Variants in WDPCP observed in about 807,000 individuals in gnomAD.
WDPCP encodes the protein WD repeat-containing and planar cell polarity effector protein fritz homolog.
In WDPCP, 71 loss-of-function variants were observed where a neutral mutation model predicts 93.1. The ratio of observed to expected loss-of-function variants is 0.76; its 90% CI spans 0.63 to 0.93. WDPCP has a LOEUF of 0.93. Ranked by LOEUF, WDPCP falls within the 40% of genes least tolerant of loss-of-function variation. The pLI is 0.00. For missense variants in WDPCP, 844 were observed against 887.4 expected (o/e 0.95, Z 0.62); for synonymous variants, 315 against 315.0 (o/e 1.00, Z 0.00).
intron 14 of WDPCP, among the ~76,000 whole-genome samples, chr2:63,176,369 C>T (rs2104025064): frequency 6.6e-6 from 1 of 152,188 alleles, no homozygotes; most frequent in South Asian, 2.1e-4. Flanking sequence ...CCTCAGCCCT[C>T]TTGAGTAGCT....
chr2:63,558,559 G>T (rs1030783131), intron 1 of WDPCP, among the ~76,000 whole-genome samples: 1 of 150,996 alleles, frequency 6.6e-6, no homozygotes, highest in African/African-American at 2.4e-5. Context: ...AAAGAAAAAA[G>T]AAAAGAGAGA....
rs771647710 is a variant in WDPCP at position 63,404,673 on chromosome 2, T to C, written c.826-16A>G. 3.9e-5 allele frequency: 63 copies of C among 1,613,522 alleles called. No individual in the cohort carries two copies. Among genetic ancestry groups the C allele is most frequent in the Non-Finnish European group, 5.3e-5 (63 of 1,179,922 alleles). ...AACTCAGAACCTGTTAAGAAATATA[T>C]CAAGTACATTCAGATAAACTTTGGT... is the stretch of plus-strand genomic sequence containing the variant. On this transcript the variant is annotated splice_polypyrimidine_tract_variant and intron_variant, in intron 9 of 17. Transcript: ENST00000272321.
intron 1 of WDPCP, among the ~76,000 whole-genome samples, chr2:63,817,877 G>A (rs945044766): frequency 3.9e-5 from 6 of 152,192 alleles, no homozygotes; most frequent in African/African-American, 1.4e-4. Flanking sequence ...TGTCTGTTAA[G>A]ACACTTGAAA....
chr2:63,627,617 T>C (rs909058122), intron 3 of WDPCP, among the ~76,000 whole-genome samples: 2 of 152,098 alleles, frequency 1.3e-5, no homozygotes, highest in African/African-American at 4.8e-5. Context: ...GAAGGAGTAG[T>C]TGAACATTGG....
At chr2:63,283,602 C>A (rs1037268910) in intron 13 of WDPCP, among the ~76,000 whole-genome samples, 35 of 152,172 alleles carry the variant, frequency 2.3e-4, no homozygotes, top group African/African-American at 8.2e-4. Context: ...GAAGTATTTA[C>A]TATCTGGCCT....
intron 2 of WDPCP, among the ~76,000 whole-genome samples, chr2:63,683,705 TG>T (rs1668764841): frequency 6.6e-6 from 1 of 151,984 alleles, no homozygotes; most frequent in Admixed American, 6.6e-5. Flanking sequence ...AAAAATTAGC[TG>T]GGCACGGTGG....
chr2:63,839,278 C>T, the WDPCP span, among the ~76,000 whole-genome samples: 7 of 152,176 alleles, frequency 4.6e-5, no homozygotes, highest in Non-Finnish European at 8.8e-5. Flanking sequence ...ATTAAAAACT[C>T]GCCAGGCGCG....
chr2:63,733,383 T>A (rs1314192235), intron 2 of WDPCP, among the ~76,000 whole-genome samples: 1 of 150,156 alleles, frequency 6.7e-6, no homozygotes, highest in Admixed American at 6.6e-5. Flanking sequence ...GTATTTTTTT[T>A]AGTAGAGACG....
chr2:63,415,904 A>G (rs1031170073), intron 9 of WDPCP, among the ~76,000 whole-genome samples: 1 of 152,222 alleles, frequency 6.6e-6, no homozygotes, highest in Non-Finnish European at 1.5e-5. Context: ...CTAATAATAT[A>G]GGTAACTTTG....
At chr2:63,623,941 A>C (rs1709778455) in intron 3 of WDPCP, among the ~76,000 whole-genome samples, 1 of 152,068 alleles carries the variant, frequency 6.6e-6, no homozygotes, top group Non-Finnish European at 1.5e-5. Flanking sequence ...GAAGTGAAAC[A>C]CTCCTCAGCA....
chr2:63,125,303 A>G (rs146184132), intron 17 of WDPCP, among the ~76,000 whole-genome samples: 2 of 152,332 alleles, frequency 1.3e-5, no homozygotes, highest in African/African-American at 4.8e-5. Context: ...ATCAGAAAGG[A>G]GTGTACTTAG....
chr2:63,399,325 G>A (rs1575330421), intron 10 of WDPCP, among the ~76,000 whole-genome samples: 1 of 152,110 alleles, frequency 6.6e-6, no homozygotes, highest in South Asian at 2.1e-4. Flanking sequence ...TTTAGGAACA[G>A]TGCCCAGGGA....
intron 2 of WDPCP, among the ~76,000 whole-genome samples, chr2:63,746,357 A>G (rs1669797601): frequency 6.6e-6 from 1 of 152,116 alleles, no homozygotes; most frequent in Non-Finnish European, 1.5e-5. Flanking sequence ...CATTAACTAA[A>G]CAAATTGTTT....
chr2:63,578,837 G>T (rs1708290197), intron 1 of WDPCP, among the ~76,000 whole-genome samples: 1 of 152,140 alleles, frequency 6.6e-6, no homozygotes. Flanking sequence ...ATGGCCTATC[G>T]ATTCTATTCT....
intron 17 of WDPCP, among the ~76,000 whole-genome samples, chr2:63,126,090 A>G (rs1056986506): frequency 6.6e-6 from 1 of 150,460 alleles, no homozygotes; most frequent in African/African-American, 2.5e-5. Context: ...ATGCACCACC[A>G]CACCAGGCTA....
intron 2 of WDPCP, among the ~76,000 whole-genome samples, chr2:63,778,777 T>A (rs1670343919): frequency 6.6e-6 from 1 of 152,222 alleles, no homozygotes; most frequent in Non-Finnish European, 1.5e-5. Context: ...TAACCTTTAG[T>A]CTCACTGTTG....
At chr2:63,398,025 T>C (rs995274042) in intron 10 of WDPCP, among the ~76,000 whole-genome samples, 4 of 152,122 alleles carry the variant, frequency 2.6e-5, no homozygotes, top group African/African-American at 7.2e-5. Context: ...TCAAAGGGAA[T>C]GTTATGGGAT....
At chr2:63,268,225 A>G (rs1682318370) in intron 13 of WDPCP, among the ~76,000 whole-genome samples, 1 of 152,194 alleles carries the variant, frequency 6.6e-6, no homozygotes, top group Non-Finnish European at 1.5e-5. Context: ...CTAGGTACAG[A>G]AAGAAAGATA....
rs1709610642 is a variant in WDPCP, at chr2:63,611,237, C to A, written n.488+39422G>T. ...GATGGACTTTTAGATTCTTTTCAAT[C>A]TTTTACTACTATAAAGATGCTGGAC... On this transcript the variant is annotated intron_variant and non_coding_transcript_variant, in intron 3 of 4. Coordinates refer to the WDPCP transcript ENST00000467687. Among the ~76,000 whole-genome samples, 4 of 152,316 alleles carry A rather than the reference C, an allele frequency of 2.6e-5. No homozygotes were observed. In the South Asian group the frequency reaches 8.3e-4, roughly 32 times the overall value.
Sources: gnomAD v4.1 joint callset for allele counts (sites outside exome capture counted in the v4.1 genomes callset) on GRCh38, gnomAD v4.1.1 for gene constraint, MANE v1.5 for transcripts, NCBI Gene and HGNC (gene_info 2026-07-23, HGNC 2026-07-21) for gene names.